The following ARMC8 variants were observed in gnomAD, a reference collection of about 807,000 sequenced individuals.
ARMC8 encodes the protein armadillo repeat-containing protein 8.
A neutral mutation model predicts 99.3 loss-of-function variants in ARMC8; 20 were observed. That is an observed-to-expected ratio of 0.20 (90% confidence interval 0.14 to 0.29). The LOEUF is 0.29. Among genes scored for constraint, ARMC8 ranks in the 10% least tolerant of loss-of-function variants. The probability of loss-of-function intolerance (pLI) is 1.00; values close to 1 mark genes in which losing one functional copy is unlikely to be tolerated. For synonymous variants in ARMC8, 263 were observed against 278.3 expected, an observed-to-expected ratio of 0.95 and a Z score of 0.55; for missense variants, 569 against 809.5, an observed-to-expected ratio of 0.70 and a Z score of 3.60.
chr3:138,274,627 T>A (rs2108313844), intron 18 of ARMC8, 83 bp downstream of exon 18: 1 of 1,011,994 alleles, frequency 9.9e-7, no homozygotes, highest in East Asian at 2.4e-5. Flanking sequence ...AATATTCAAA[T>A]CTGCAGAAGA....
intron 1 of ARMC8, among the ~76,000 whole-genome samples, chr3:138,194,942 T>C (rs1311044392): frequency 6.6e-6 from 1 of 152,108 alleles, no homozygotes; most frequent in Non-Finnish European, 1.5e-5. Flanking sequence ...AAAGCACTAA[T>C]AAGTACAGGG....
At chr3:138,282,064 T>A (rs1353655041) in intron 18 of ARMC8, among the ~76,000 whole-genome samples, 2 of 152,212 alleles carry the variant, frequency 1.3e-5, no homozygotes, top group Non-Finnish European at 2.9e-5. Context: ...CGCTCCTACT[T>A]CTCAGCCAGG....
intron 14 of ARMC8, 63 bp from the exon 15 acceptor site, chr3:138,267,090 ATC>A (rs1437700896): frequency 1.5e-5 from 12 of 789,472 alleles, no homozygotes; most frequent in Non-Finnish European, 2.2e-5. Flanking sequence ...TATATTTTAT[ATC>A]TCATTTTATA....
At position 138,272,968 on chromosome 3, in the gene ARMC8, A is replaced by G; in HGVS notation, c.1481A>G (p.Asn494Ser). The G allele has an allele frequency of 1.3e-6, 2 of 1,592,352 alleles. No individual in the cohort carries two copies. Among genetic ancestry groups the G allele is most frequent in the Non-Finnish European group, 1.7e-6 (2 of 1,170,742 alleles). Residue 494 changes from asparagine to serine, a missense_variant and splice_region_variant, in exon 17 of 22, where the codon AAT becomes AGT. By Grantham distance (46) the Asn-to-Ser change is conservative. Transcript: ENST00000469044. ...LRVNGIWALM[N>S]MAFQAEQKIK... ...TTGCAACTTCTTTAATCCTTTCAGA[A>G]TATGGCATTTCAGGCTGAACAAAAA...
At chr3:138,212,132 A>G (rs1300347480) in intron 2 of ARMC8, among the ~76,000 whole-genome samples, 1 of 152,112 alleles carries the variant, frequency 6.6e-6, no homozygotes, top group Non-Finnish European at 1.5e-5. Flanking sequence ...TCTCAGAGTA[A>G]TACTGATCTT....
rs866437455 is a variant in ARMC8, at chr3:138,229,154, A to G, written c.528+144A>G. 8.6e-4 allele frequency: 51 copies of G among 59,512 alleles called. 1 individual carries two copies. Among genetic ancestry groups the G allele is most frequent in the African/African-American group, 2.8e-3 (37 of 13,272 alleles). 3.7% of individuals were successfully genotyped at this position (59,512 alleles called of 1,614,324 possible). ...TGCGTGTATATATATATATATATATATATATATATATATATATATATATAT... is the reference window on the plus strand; with the variant it reads ...TGCGTGTATATATATATATATATATGTATATATATATATATATATATATAT... On this transcript the variant is annotated intron_variant, in intron 6 of 21. Coordinates refer to ENST00000469044, the MANE Select transcript of ARMC8 (RefSeq NM_001363941.2).
intron 21 of ARMC8, among the ~76,000 whole-genome samples, chr3:138,292,563 G>C (rs767139764): frequency 1.3e-5 from 2 of 152,192 alleles, no homozygotes; most frequent in African/African-American, 4.8e-5. Flanking sequence ...ATGTTAAAGA[G>C]AGGAAAGGAA....
intron 1 of ARMC8, among the ~76,000 whole-genome samples, chr3:138,201,755 G>A (rs774207487): frequency 6.6e-5 from 10 of 152,016 alleles, no homozygotes; most frequent in Admixed American, 1.3e-4. Context: ...CACTGCGCCC[G>A]ACCTTACCCT....
At chr3:138,237,199 G>T in intron 7 of ARMC8, 110 bp from the exon 8 acceptor site, 4 of 891,486 alleles carry the variant, frequency 4.5e-6, no homozygotes, top group Non-Finnish European at 7.1e-6. Flanking sequence ...AGGCCTGTTA[G>T]TATTTTAAGC....
At position 138,194,808 on chromosome 3, in the gene ARMC8, A is replaced by G. The variant is rs531369114; in HGVS notation, c.45+7209A>G. Among the ~76,000 whole-genome samples, 4 of 152,090 alleles carry G rather than the reference A, an allele frequency of 2.6e-5. No homozygotes were observed. The East Asian group carries it at 7.7e-4, about 29-fold the overall frequency. On this transcript the variant is annotated intron_variant, in intron 1 of 21. Coordinates refer to ENST00000469044, the MANE Select transcript of ARMC8 (RefSeq NM_001363941.2). The stretch of plus-strand genomic sequence containing the variant: ...ACATCCATAACTGGCAATAATTAGG[A>G]AAAAAAATTGCTGTGAAGTCGAACC...
chr3:138,263,904 C>G, intron 13 of ARMC8, 83 bp downstream of exon 13: 1 of 1,249,190 alleles, frequency 8.0e-7, no homozygotes, highest in Non-Finnish European at 1.2e-6. Flanking sequence ...TGAGTAAACA[C>G]AGACTACAAA....
intron 2 of ARMC8, among the ~76,000 whole-genome samples, chr3:138,211,779 A>G (rs1434555715): frequency 6.6e-6 from 1 of 152,244 alleles, no homozygotes; most frequent in African/African-American, 2.4e-5. Context: ...ATCTGTAAAG[A>G]TAACACTGCC....
chr3:138,240,465 C>T (rs1157484598), intron 10 of ARMC8, among the ~76,000 whole-genome samples: 1 of 152,212 alleles, frequency 6.6e-6, no homozygotes, highest in Non-Finnish European at 1.5e-5. Flanking sequence ...CTCTAACCTT[C>T]CTCTTTTTCT....
At chr3:138,223,820 C>T (rs1226219614) in intron 5 of ARMC8, 87 bp downstream of exon 5, 1 of 1,150,840 alleles carries the variant, frequency 8.7e-7, no homozygotes, top group South Asian at 1.3e-5. Context: ...CTCATCATAA[C>T]TGTGTTATGT....
chr3:138,279,319 T>A (rs1462392197), intron 18 of ARMC8, among the ~76,000 whole-genome samples: 1 of 152,246 alleles, frequency 6.6e-6, no homozygotes, highest in Non-Finnish European at 1.5e-5. Flanking sequence ...TGAAATTGTT[T>A]TTTTAAAACT....
chr3:138,207,752 C>G lies in ARMC8; in HGVS notation c.46-2065C>G, dbSNP rs183013843. On this transcript the variant is annotated intron_variant, in intron 1 of 21. Coordinates refer to ENST00000469044, the MANE Select transcript of ARMC8 (RefSeq NM_001363941.2). Reference sequence around the variant, plus strand: ...GTGTCCTAACTGTACATTTGAAGATCTGACAAATGGGTAAAGATCATGAGA... The same window carrying G: ...GTGTCCTAACTGTACATTTGAAGATGTGACAAATGGGTAAAGATCATGAGA... Among the ~76,000 whole-genome samples, 7 of 152,250 alleles carry G rather than the reference C, an allele frequency of 4.6e-5. No individual in the cohort carries two copies. In the East Asian group the frequency reaches 1.2e-3, roughly 25 times the overall value.
chr3:138,273,207 C>A, intron 17 of ARMC8, 91 bp downstream of exon 17: 1 of 1,293,872 alleles, frequency 7.7e-7, no homozygotes, highest in Non-Finnish European at 1.1e-6. Flanking sequence ...TTAACATCTG[C>A]CCATGAGTGT....
chr3:138,197,900 A>G (rs1450620502), intron 1 of ARMC8, among the ~76,000 whole-genome samples: 1 of 152,240 alleles, frequency 6.6e-6, no homozygotes, highest in South Asian at 2.1e-4. Context: ...TTTATACCAT[A>G]TTTTAAAAGG....
intron 1 of ARMC8, among the ~76,000 whole-genome samples, chr3:138,189,866 C>G (rs1393142603): frequency 1.3e-5 from 2 of 152,186 alleles, no homozygotes; most frequent in Non-Finnish European, 2.9e-5. Flanking sequence ...ATTCCTTCTC[C>G]TAAGGGGAAT....
Sources: allele counts gnomAD v4.1 joint callset (sites outside exome capture counted in the v4.1 genomes callset), GRCh38; gene constraint gnomAD v4.1.1; transcripts MANE v1.5; gene names NCBI Gene and HGNC (gene_info 2026-07-23, HGNC 2026-07-21).